Variants in APP observed in about 807,000 individuals in gnomAD.
APP encodes the protein amyloid-beta precursor protein.
In APP, 31 loss-of-function variants were observed where a neutral mutation model predicts 101.4. The observed-to-expected ratio is 0.31, with a 90% CI of 0.23 to 0.41. The LOEUF (loss-of-function observed/expected upper bound fraction) is 0.41, where lower values mean the gene tolerates loss of function less well. Ranked by LOEUF, APP falls within the 10% of genes least tolerant of loss-of-function variation. APP has a pLI of 1.00. For missense variants in APP, 839 were observed against 1,003.7 expected, an observed-to-expected ratio of 0.84 and a Z score of 2.22; for synonymous variants, 366 against 364.4, an observed-to-expected ratio of 1.00 and a Z score of -0.05.
intron 17 of APP, among the ~76,000 whole-genome samples, chr21:25,882,710 A>G (rs2037070938): frequency 6.6e-6 from 1 of 152,134 alleles, no homozygotes; most frequent in African/African-American, 2.4e-5. Context: ...GTATGTTAAA[A>G]TTCCTCTTTT....
chr21:26,052,001 T>G lies in APP; in HGVS notation c.469-808A>C, dbSNP rs138057279. Reference sequence around the variant, plus strand: ...AATAGGTAGCTGGACTTCAAATTATTTGGTTTGTTTTCTTAAACTCAGCAA... The same window carrying G: ...AATAGGTAGCTGGACTTCAAATTATGTGGTTTGTTTTCTTAAACTCAGCAA... On this transcript the variant is annotated intron_variant, in intron 4 of 17. Transcript: ENST00000346798. 7.2e-5 allele frequency among the ~76,000 whole-genome samples: 11 copies of G among 152,322 alleles called. No homozygotes were observed. In the East Asian group the frequency reaches 2.1e-3, roughly 29 times the overall value.
chr21:25,914,310 T>TCA (rs1452112046), intron 13 of APP, among the ~76,000 whole-genome samples: 1 of 151,988 alleles, frequency 6.6e-6, no homozygotes, highest in East Asian at 1.9e-4. Context: ...GATAGTCTCC[T>TCA]CACTGCTTGC....
At chr21:25,989,554 AAT>A (rs1288972222) in intron 8 of APP, among the ~76,000 whole-genome samples, 1 of 152,320 alleles carries the variant, frequency 6.6e-6, no homozygotes, top group East Asian at 1.9e-4. Context: ...CAGAAGGCTG[AAT>A]GTTTCCCTAA....
intron 5 of APP, among the ~76,000 whole-genome samples, chr21:26,032,935 A>C (rs2044906484): frequency 6.6e-6 from 1 of 152,140 alleles, no homozygotes; most frequent in African/African-American, 2.4e-5. Flanking sequence ...TTTTCAGTGA[A>C]GTGCATATTA....
intron 1 of APP, among the ~76,000 whole-genome samples, chr21:26,137,047 G>GCCTCCA (rs71329806): frequency 0.55 from 82,294 of 149,866 alleles, 23,788 homozygotes; most frequent in African/African-American, 0.76. Flanking sequence ...AGATCCTCCC[G>GCCTCCA]CCTCCACCTC....
chr21:25,951,280 C>G (rs2041063898), intron 13 of APP, among the ~76,000 whole-genome samples: 1 of 152,212 alleles, frequency 6.6e-6, no homozygotes, highest in African/African-American at 2.4e-5. Flanking sequence ...CATTTTCACC[C>G]ATAAAAGAGA....
rs1202644282 is a variant in APP at position 25,899,434 on chromosome 21, A to ACTT, written c.1964-1764_1964-1762dup. Among the ~76,000 whole-genome samples, 3 of 152,158 alleles carry ACTT rather than the reference A, an allele frequency of 2.0e-5. No homozygotes were observed. The East Asian group carries it at 5.8e-4, about 29-fold the overall frequency. On this transcript the variant is annotated intron_variant, in intron 15 of 17. Transcript: ENST00000346798. ...AGCATGATAGAAGTGATGGTGTATG[A>ACTT]CTTCTGAGACTGGGCCAAAAAAGGC...
At chr21:25,900,913 G>C (rs964504509) in intron 15 of APP, among the ~76,000 whole-genome samples, 1 of 116,816 alleles carries the variant, frequency 8.6e-6, no homozygotes, top group East Asian at 2.7e-4. Context: ...TGTGAACCCA[G>C]GAGGCAGAGC....
At chr21:25,892,455 A>T (rs113656943) in intron 16 of APP, among the ~76,000 whole-genome samples, 71 of 133,258 alleles carry the variant, frequency 5.3e-4, no homozygotes, top group African/African-American at 2.0e-3. Context: ...AGAAAAAAAG[A>T]TATCTTGTTA....
intron 13 of APP, among the ~76,000 whole-genome samples, chr21:25,924,443 T>TAAAAAAAAA (rs1569061920): frequency 1.1e-5 from 1 of 88,624 alleles, no homozygotes; most frequent in Non-Finnish European, 2.2e-5. Flanking sequence ...AAAAAAAAGG[T>TAAAAAAAAA]TGAGTTCATG....
chr21:26,037,985 T>C (rs187736539), intron 5 of APP, among the ~76,000 whole-genome samples: 1 of 152,262 alleles, frequency 6.6e-6, no homozygotes, highest in Admixed American at 6.5e-5. Context: ...AATTTAAATA[T>C]AAAATTGAAG....
chr21:26,063,518 T>G (rs940467066), intron 3 of APP, among the ~76,000 whole-genome samples: 6 of 151,018 alleles, frequency 4.0e-5, no homozygotes, highest in African/African-American at 1.5e-4. Context: ...GACTGCAGCA[T>G]CTTGTAAGAA....
chr21:26,045,248 T>C (rs1239774425), intron 5 of APP, among the ~76,000 whole-genome samples: 4 of 151,840 alleles, frequency 2.6e-5, no homozygotes, highest in African/African-American at 9.7e-5. Context: ...TATCTTAAAT[T>C]TTTACAATAA....
chr21:25,967,383 T>C (rs928341605), intron 11 of APP, among the ~76,000 whole-genome samples: 1 of 152,182 alleles, frequency 6.6e-6, no homozygotes, highest in Non-Finnish European at 1.5e-5. Context: ...CACTTCCCTT[T>C]AGAAAATGCA....
At chr21:26,160,072 C>T (rs570934868) in intron 1 of APP, among the ~76,000 whole-genome samples, 1,505 of 126,692 alleles carry the variant, frequency 0.012, 10 homozygotes, top group South Asian at 0.027. Context: ...CACCTCTGTC[C>T]AACAGACAGA....
chr21:25,889,462 G>A (rs1432402985), intron 17 of APP, among the ~76,000 whole-genome samples: 1 of 152,222 alleles, frequency 6.6e-6, no homozygotes, highest in Non-Finnish European at 1.5e-5. Context: ...GCCCGAGGAA[G>A]CCAAGTCTTT....
rs189857876 is a variant in APP at position 26,034,517 on chromosome 21, C to T, written c.663-12475G>A. On this transcript the variant is annotated intron_variant, in intron 5 of 17. Coordinates refer to ENST00000346798, the MANE Select transcript of APP (RefSeq NM_000484.4). ...AATAGCTGGGCATGGTGGCGGGCGC[C>T]TATAGTCCCAGTTACTTGGGAGGCT... is the stretch of plus-strand genomic sequence containing the variant. Among the ~76,000 whole-genome samples, 261 of 151,680 alleles carry T rather than the reference C, an allele frequency of 1.7e-3. 1 individual carries two copies. Among genetic ancestry groups the T allele is most frequent in the Middle Eastern group, 6.8e-3 (2 of 292 alleles).
chr21:25,884,988 C>T (rs1463160180), intron 17 of APP, among the ~76,000 whole-genome samples: 2 of 152,248 alleles, frequency 1.3e-5, no homozygotes, highest in African/African-American at 4.8e-5. Context: ...TCTAACTCTC[C>T]TGTCTTTTCT....
At chr21:25,981,589 A>G (rs2042430561) in intron 9 of APP, among the ~76,000 whole-genome samples, 1 of 152,246 alleles carries the variant, frequency 6.6e-6, no homozygotes, top group South Asian at 2.1e-4. Flanking sequence ...AGTGCCTGGT[A>G]GCAGACATAG....
Sources: gnomAD v4.1 joint callset for allele counts (sites outside exome capture counted in the v4.1 genomes callset) on GRCh38, gnomAD v4.1.1 for gene constraint, MANE v1.5 for transcripts, NCBI Gene and HGNC (gene_info 2026-07-23, HGNC 2026-07-21) for gene names.